Variants in EIF4G3 observed in about 807,000 individuals in gnomAD.
The protein encoded by EIF4G3 is eukaryotic translation initiation factor 4 gamma 3, also known as eIF-4-gamma 3.
EIF4G3 carries 34 observed loss-of-function variants against 186.4 expected under a neutral mutation model. That is an observed-to-expected ratio of 0.18 (90% CI 0.14 to 0.24). EIF4G3 has a LOEUF of 0.24. Ranked by LOEUF, EIF4G3 falls within the 10% of genes least tolerant of loss-of-function variation. The pLI, the probability that EIF4G3 is intolerant of heterozygous loss-of-function variation, is 1.00. For synonymous variants in EIF4G3, 673 were observed against 679.5 expected (o/e 0.99, Z 0.15); for missense variants, 1,536 against 1,948.5 (o/e 0.79, Z 3.99).
chr1:20,897,481 G>A (rs1232949924), intron 16 of EIF4G3, among the ~76,000 whole-genome samples: 1 of 150,178 alleles, frequency 6.7e-6, no homozygotes, highest in Non-Finnish European at 1.5e-5. Context: ...TGTCTATGCA[G>A]TTAGATACTA....
At chr1:21,161,065 G>A (rs2102944394) in intron 2 of EIF4G3, among the ~76,000 whole-genome samples, 1 of 152,252 alleles carries the variant, frequency 6.6e-6, no homozygotes, top group East Asian at 1.9e-4. Context: ...CAGCTACTTA[G>A]GAGGCTGAGG....
chr1:20,962,424 TAA>T (rs1227375816), intron 12 of EIF4G3, among the ~76,000 whole-genome samples: 1 of 152,202 alleles, frequency 6.6e-6, no homozygotes, highest in Non-Finnish European at 1.5e-5. Flanking sequence ...ATCAGTATCA[TAA>T]GTTTACATCA....
intron 2 of EIF4G3, among the ~76,000 whole-genome samples, chr1:21,126,399 C>T (rs558538829): frequency 1.3e-5 from 2 of 151,832 alleles, no homozygotes; most frequent in East Asian, 1.9e-4. Flanking sequence ...CATGTCAAGT[C>T]GAGGGAAACA....
At chr1:21,082,677 G>C (rs1236954554) in intron 3 of EIF4G3, among the ~76,000 whole-genome samples, 1 of 152,108 alleles carries the variant, frequency 6.6e-6, no homozygotes, top group African/African-American at 2.4e-5. Flanking sequence ...TGAGGTGAGA[G>C]GATCAATTGA....
In EIF4G3 at chr1:20,941,620, C is replaced by T. The variant is rs935571803; in HGVS notation, c.1534G>A (p.Glu512Lys). ...TCACTAAGGCAAGTTCTTATGCTCT[C>T]GTCCTCCTCTAGGACTCTCTGGACT... ...ITVQRVLEED[E>K]SIRTCLSEDA... is the part of the protein sequence containing the mutation. Residue 512 changes from glutamate (E) to lysine (K), a missense_variant, in exon 14 of 37, where the codon GAG becomes AAG. By Grantham distance (56) the Glu-to-Lys change is moderately conservative. Around this residue, in one of 11 missense-constraint regions of EIF4G3, gnomAD observed 560 missense variants for 547.8 expected, o/e 1.02. Transcript: ENST00000602326. 7 of 1,614,028 alleles carry T rather than the reference C, an allele frequency of 4.3e-6. No individual in the cohort carries two copies. Among genetic ancestry groups the T allele is most frequent in the East Asian group, 2.2e-5 (1 of 44,892 alleles).
intron 15 of EIF4G3, among the ~76,000 whole-genome samples, chr1:20,902,186 C>T (rs2090549441): frequency 6.6e-6 from 1 of 151,880 alleles, no homozygotes; most frequent in South Asian, 2.1e-4. Flanking sequence ...GCCTCAGCCT[C>T]CTGAGTAGCT....
chr1:20,900,874 C>T (rs2090062390), intron 15 of EIF4G3, among the ~76,000 whole-genome samples: 1 of 152,026 alleles, frequency 6.6e-6, no homozygotes, highest in South Asian at 2.1e-4. Flanking sequence ...AAAAAGTTCA[C>T]CCCAAATAAT....
At chr1:20,854,374 GAAC>G (rs897734948) in intron 26 of EIF4G3, among the ~76,000 whole-genome samples, 5 of 151,702 alleles carry the variant, frequency 3.3e-5, no homozygotes, top group Non-Finnish European at 7.4e-5. Flanking sequence ...TTAAATTTGT[GAAC>G]AACAACAAAA....
At chr1:20,982,295 A>G (rs770905983) in intron 8 of EIF4G3, 93 bp downstream of exon 8, 31 of 862,310 alleles carry the variant, frequency 3.6e-5, no homozygotes, top group Non-Finnish European at 5.1e-5. Flanking sequence ...TAAATTTCCA[A>G]TGTGAATGTA....
chr1:20,938,399 T>C (rs1455076853), intron 14 of EIF4G3, among the ~76,000 whole-genome samples: 1 of 152,228 alleles, frequency 6.6e-6, no homozygotes, highest in Non-Finnish European at 1.5e-5. Flanking sequence ...GTTATAACTT[T>C]ACTGCTTTAA....
At chr1:21,090,638 A>G (rs1418550897) in intron 2 of EIF4G3, among the ~76,000 whole-genome samples, 1 of 152,230 alleles carries the variant, frequency 6.6e-6, no homozygotes, top group Non-Finnish European at 1.5e-5. Context: ...GAAAAGAAGA[A>G]GTGAAAATAA....
At chr1:20,916,134 C>T (rs2093836283) in intron 14 of EIF4G3, among the ~76,000 whole-genome samples, 1 of 151,802 alleles carries the variant, frequency 6.6e-6, no homozygotes, top group Admixed American at 6.6e-5. Flanking sequence ...ACAAAAGATA[C>T]AAAAAACCTA....
At chr1:21,174,909 C>G (rs936136108) in intron 2 of EIF4G3, among the ~76,000 whole-genome samples, 1 of 152,164 alleles carries the variant, frequency 6.6e-6, no homozygotes, top group Admixed American at 6.5e-5. Context: ...GAAAATGACA[C>G]TTGGCAGAAA....
intron 14 of EIF4G3, among the ~76,000 whole-genome samples, chr1:20,936,912 ATATTCTAC>A (rs2095534989): frequency 6.6e-6 from 1 of 152,200 alleles, no homozygotes; most frequent in South Asian, 2.1e-4. Context: ...TTCCTATGTT[ATATTCTAC>A]AGAATCTGGA....
chr1:20,993,173 A>G (rs907207513), intron 7 of EIF4G3, among the ~76,000 whole-genome samples: 2 of 152,222 alleles, frequency 1.3e-5, no homozygotes, highest in African/African-American at 2.4e-5. Context: ...ATCAGGAAGA[A>G]GATGTGGCTG....
intron 2 of EIF4G3, among the ~76,000 whole-genome samples, chr1:21,164,326 C>G (rs893041231): frequency 6.6e-6 from 1 of 152,146 alleles, no homozygotes; most frequent in Non-Finnish European, 1.5e-5. Context: ...CACTTGTTTT[C>G]CGGGCATAAA....
At chr1:21,156,294 CTTCT>C (rs1007068461) in intron 2 of EIF4G3, among the ~76,000 whole-genome samples, 2 of 152,136 alleles carry the variant, frequency 1.3e-5, no homozygotes, top group African/African-American at 4.8e-5. Flanking sequence ...CTCTCAGCAG[CTTCT>C]TTCTCTTTTC....
chr1:20,929,303 C>G (rs1288740680), intron 14 of EIF4G3: 1 of 152,162 alleles, frequency 6.6e-6, no homozygotes, highest in Non-Finnish European at 1.5e-5. Flanking sequence ...TCTAAGGAGG[C>G]CTTCTCCTTT....
chr1:21,094,833 C>T (rs1392199499), intron 2 of EIF4G3, among the ~76,000 whole-genome samples: 1 of 148,702 alleles, frequency 6.7e-6, no homozygotes, highest in African/African-American at 2.5e-5. Context: ...TGTAAATAGC[C>T]CCTACAAAAG....
Sources: gnomAD v4.1 joint callset for allele counts (sites outside exome capture counted in the v4.1 genomes callset) on GRCh38, gnomAD v4.1.1 for gene constraint, gnomAD v4.1.1 regional missense constraint, MANE v1.5 for transcripts, NCBI Gene and HGNC (gene_info 2026-07-23, HGNC 2026-07-21) for gene names.